The following VIL1 variants were observed in gnomAD, a reference collection of about 807,000 sequenced individuals.
The protein encoded by VIL1 is villin-1.
Under a neutral mutation model 104.0 loss-of-function variants are expected in VIL1, and 86 were observed. That is an observed-to-expected ratio of 0.83 (90% CI 0.69 to 0.99). VIL1 has a LOEUF of 0.99. VIL1 is among the 50% of genes least tolerant of loss of function. The pLI is 0.00. For missense variants in VIL1, 944 were observed against 1,054.1 expected, an observed-to-expected ratio of 0.90 and a Z score of 1.45; for synonymous variants, 394 against 412.6, an observed-to-expected ratio of 0.95 and a Z score of 0.55.
rs182024460 is a variant in VIL1, at chr2:218,441,854, G to T, written c.2370+992G>T. ...ATTACAAAAATAGCCGGGCATGGTG[G>T]CTTGTGCCTATAATCCCAGCTACTC... On this transcript the variant is annotated intron_variant, in intron 19 of 19. Coordinates refer to ENST00000248444, the MANE Select transcript of VIL1 (RefSeq NM_007127.3). Among the ~76,000 whole-genome samples, 321 of 152,240 alleles carry T rather than the reference G, an allele frequency of 2.1e-3. 1 individual carries two copies. Among genetic ancestry groups the T allele is most frequent in the Admixed American group, 3.9e-3 (60 of 15,296 alleles).
intron 9 of VIL1, among the ~76,000 whole-genome samples, chr2:218,430,425 G>C (rs186144269): frequency 1.3e-5 from 2 of 152,186 alleles, no homozygotes; most frequent in Non-Finnish European, 2.9e-5. Flanking sequence ...GGTCACATTA[G>C]GCGTTAGATT....
intron 2 of VIL1, 65 bp downstream of exon 2, chr2:218,423,918 G>A: frequency 6.3e-7 from 1 of 1,576,214 alleles, no homozygotes; most frequent in Non-Finnish European, 8.7e-7. Context: ...GGCCAAGGAG[G>A]GAGGCCTGGG....
intron 15 of VIL1, 126 bp from the exon 16 acceptor site, chr2:218,436,356 G>A (rs1689189618): frequency 8.6e-6 from 11 of 1,284,754 alleles, no homozygotes; most frequent in Admixed American, 2.3e-5. Context: ...TTATCAATCA[G>A]AAGATAGAGC....
chr2:218,438,425 G>T (rs1689230912), intron 17 of VIL1, among the ~76,000 whole-genome samples: 1 of 152,192 alleles, frequency 6.6e-6, no homozygotes, highest in Admixed American at 6.5e-5. Flanking sequence ...GGCTGAGCTG[G>T]GACAAATATA....
At chr2:218,439,935 T>C (rs1006679463) in intron 18 of VIL1, among the ~76,000 whole-genome samples, 4 of 151,650 alleles carry the variant, frequency 2.6e-5, no homozygotes, top group Non-Finnish European at 5.9e-5. Flanking sequence ...CACAGGCTTA[T>C]AGAGAGAACA....
chr2:218,420,088 C>G (rs967981797), intron 1 of VIL1, among the ~76,000 whole-genome samples: 2 of 152,110 alleles, frequency 1.3e-5, no homozygotes, highest in African/African-American at 4.8e-5. Flanking sequence ...GTGGCAGCAC[C>G]CCACTTACAA....
intron 19 of VIL1, 129 bp downstream of exon 19, chr2:218,440,991 C>A: frequency 2.8e-6 from 3 of 1,073,216 alleles, no homozygotes; most frequent in East Asian, 2.6e-5. Flanking sequence ...TGCCTTCATG[C>A]CACCTTATAT....
chr2:218,430,258 T>G (rs1301704249), intron 9 of VIL1, among the ~76,000 whole-genome samples: 1 of 151,682 alleles, frequency 6.6e-6, no homozygotes, highest in Non-Finnish European at 1.5e-5. Flanking sequence ...GAAGGAGAAA[T>G]GGAGGGAGGC....
At chr2:218,434,753 A>G in intron 14 of VIL1, 48 bp downstream of exon 14, 1 of 1,554,446 alleles carries the variant, frequency 6.4e-7, no homozygotes, top group Non-Finnish European at 8.7e-7. Flanking sequence ...GGGTCCTGGG[A>G]GTCCCCCAGT....
chr2:218,423,956 C>A, intron 2 of VIL1, 103 bp downstream of exon 2: 1 of 1,327,388 alleles, frequency 7.5e-7, no homozygotes, highest in Non-Finnish European at 1.1e-6. Context: ...CTGCTCCTGC[C>A]CTGAAGCCCC....
intron 18 of VIL1, 68 bp from the exon 19 acceptor site, chr2:218,440,654 G>A (rs1689270549): frequency 1.2e-6 from 2 of 1,601,802 alleles, no homozygotes; most frequent in Non-Finnish European, 1.7e-6. Flanking sequence ...AGACTTCAGA[G>A]AGAAAGGCAG....
chr2:218,422,584 G>A (rs1688917287), intron 1 of VIL1, among the ~76,000 whole-genome samples: 1 of 152,186 alleles, frequency 6.6e-6, no homozygotes, highest in Non-Finnish European at 1.5e-5. Context: ...AGAACGCCAG[G>A]GAAGCAGCAG....
Position 218,443,205 on chromosome 2 carries a change from T to TC in VIL1, c.2370+2343_2370+2344insC, listed in dbSNP as rs542753585. 1.7e-3 allele frequency among the ~76,000 whole-genome samples: 250 copies of TC among 150,456 alleles called. 1 individual carries two copies. The highest frequency in any genetic ancestry group is 2.5e-3 in the Non-Finnish European group (169 of 67,502). ...AGCATAAAGGAGGTATTTCTTTCTT[T>TC]TTTTTTTTTTTGAGATGGAGTCTTG... On this transcript the variant is annotated intron_variant, in intron 19 of 19. Coordinates refer to ENST00000248444, the MANE Select transcript of VIL1 (RefSeq NM_007127.3).
At chr2:218,438,875 C>T in intron 18 of VIL1, 149 bp downstream of exon 18, 1 of 637,788 alleles carries the variant, frequency 1.6e-6, no homozygotes, top group Non-Finnish European at 2.7e-6. Flanking sequence ...TGTTTTACTT[C>T]AGTGCCTCTA....
chr2:218,432,483 T>A (rs1427194330), intron 12 of VIL1: 1 of 688,568 alleles, frequency 1.5e-6, no homozygotes, highest in Admixed American at 2.0e-5. Context: ...TAGGACTGAG[T>A]GGTGTGGTGC....
rs1257774224 is a variant in VIL1, at chr2:218,436,475, C to T, written c.1827-7C>T. ...TCTGCCAGTACAATCTTCTCTCCATCCTGCAGACTACAGGAAGAAAACCTG... is the reference window on the plus strand; with the variant it reads ...TCTGCCAGTACAATCTTCTCTCCATTCTGCAGACTACAGGAAGAAAACCTG... On this transcript the variant is annotated splice_region_variant and splice_polypyrimidine_tract_variant and intron_variant, in intron 15 of 19. Transcript: ENST00000248444. 1.2e-6 allele frequency: 2 copies of T among 1,612,814 alleles called. No homozygotes were observed. Among genetic ancestry groups the T allele is most frequent in the East Asian group, 2.2e-5 (1 of 44,858 alleles).
rs1227196390 is a variant in VIL1, at chr2:218,450,434, A to G, written c.*1098A>G. The G allele has an allele frequency of 1.3e-5, 2 of 152,614 alleles. No homozygotes were observed. The highest frequency in any genetic ancestry group is 4.8e-5 in the African/African-American group (2 of 41,434). The allele number at this position is 152,614 out of a possible 1,614,324, so 9.5% of individuals were successfully genotyped here. On this transcript the variant is annotated 3_prime_UTR_variant, in exon 20 of 20. Transcript: ENST00000248444. ...ATCAAAAGTCACTCTGAACATAAAG[A>G]AAAAAAATCATCTCACAAATAATGT...
chr2:218,420,841 T>C (rs894925589), intron 1 of VIL1, among the ~76,000 whole-genome samples: 1 of 152,146 alleles, frequency 6.6e-6, no homozygotes, highest in Non-Finnish European at 1.5e-5. Context: ...TGCCTCGGCC[T>C]CCCAAAGTGC....
intron 1 of VIL1, 33 bp from the exon 2 acceptor site, chr2:218,423,735 G>T (rs1207799417): frequency 6.2e-7 from 1 of 1,610,250 alleles, no homozygotes; most frequent in Non-Finnish European, 8.5e-7. Flanking sequence ...TCCGAACTCA[G>T]GGTGCCCCTG....
Sources: allele counts gnomAD v4.1 joint callset (sites outside exome capture counted in the v4.1 genomes callset), GRCh38; gene constraint gnomAD v4.1.1; transcripts MANE v1.5; gene names NCBI Gene and HGNC (gene_info 2026-07-23, HGNC 2026-07-21).